Variants in MGA observed in about 807,000 individuals in gnomAD.
MGA encodes MAX dimerization protein MGA.
Under a neutral mutation model 261.1 loss-of-function variants are expected in MGA, and 40 were observed. The observed-to-expected ratio is 0.15, with a 90% CI of 0.12 to 0.20. MGA has a LOEUF of 0.20. Ranked by LOEUF, MGA falls within the 10% of genes least tolerant of loss-of-function variation. The pLI is 1.00. For missense variants in MGA, 3,397 were observed against 3,630.5 expected, an observed-to-expected ratio of 0.94 and a Z score of 1.65; for synonymous variants, 1,302 against 1,290.6, an observed-to-expected ratio of 1.01 and a Z score of -0.19.
intron 2 of MGA, among the ~76,000 whole-genome samples, chr15:41,683,406 ATTT>A (rs1489732123): frequency 6.6e-6 from 1 of 151,444 alleles, no homozygotes; most frequent in Non-Finnish European, 1.5e-5. Flanking sequence ...TTTTATTTTT[ATTT>A]TTTGTAGATA....
intron 1 of MGA, among the ~76,000 whole-genome samples, chr15:41,634,767 G>C (rs2056665226): frequency 6.6e-6 from 1 of 152,100 alleles, no homozygotes; most frequent in Admixed American, 6.6e-5. Flanking sequence ...TTAGAATGAG[G>C]TTTTGTTTGA....
intron 1 of MGA, among the ~76,000 whole-genome samples, chr15:41,635,429 G>C (rs1375596500): frequency 6.6e-6 from 1 of 152,096 alleles, no homozygotes; most frequent in Admixed American, 6.6e-5. Flanking sequence ...ACAAAATAAG[G>C]CTGGGCGCGG....
At position 41,696,939 on chromosome 15, in the gene MGA, T is replaced by C; in HGVS notation, c.1929T>C (p.Pro643=). Residue 643 remains proline (P), a synonymous_variant, in exon 3 of 24, where the codon CCT becomes CCC. Coordinates refer to ENST00000219905, the MANE Select transcript of MGA (RefSeq NM_001164273.2). ...CTTTAATTTCTACAAAGAATACACC[T>C]GTAAGCCCTGGGAGTACCTTTCCAG... 6.2e-7 allele frequency: 1 copy of C among 1,603,966 alleles called. No individual in the cohort carries two copies. Among genetic ancestry groups the C allele is most frequent in the Non-Finnish European group, 8.5e-7 (1 of 1,174,834 alleles).
At chr15:41,711,968 T>G (rs2060409331) in intron 8 of MGA, among the ~76,000 whole-genome samples, 1 of 152,162 alleles carries the variant, frequency 6.6e-6, no homozygotes, top group Non-Finnish European at 1.5e-5. Context: ...ATGCTGGGAT[T>G]ACAGGCATGA....
intron 2 of MGA, among the ~76,000 whole-genome samples, chr15:41,682,830 GTGTTGTTTT>G (rs1207823781): frequency 6.6e-6 from 1 of 152,094 alleles, no homozygotes; most frequent in Non-Finnish European, 1.5e-5. Context: ...TTACTGGTTT[GTGTTGTTTT>G]TGTTGTTTTG....
intron 2 of MGA, among the ~76,000 whole-genome samples, chr15:41,695,375 G>A (rs1221109588): frequency 6.6e-6 from 1 of 152,066 alleles, no homozygotes; most frequent in East Asian, 1.9e-4. Context: ...TTTTAGTAGA[G>A]ATGGGGTTTC....
chr15:41,702,938 T>G (rs76849231), intron 5 of MGA, among the ~76,000 whole-genome samples: 5 of 15,004 alleles, frequency 3.3e-4, no homozygotes, highest in Admixed American at 1.7e-3. Context: ...AGAATACCTA[T>G]TTTTTTTCCC....
rs1010793330 is a variant in MGA, at chr15:41,749,232, A to C, written c.5625A>C (p.Ser1875=). The C allele has an allele frequency of 3.1e-6, 5 of 1,613,882 alleles. No homozygotes were observed. Among genetic ancestry groups the C allele is most frequent in the Admixed American group, 1.7e-5 (1 of 59,996 alleles). The stretch of plus-strand genomic sequence containing the variant: ...TAATTCAAGCTGTTGGGTCTTCTTC[A>C]GCAGTGAATGTTATCACTCAGGCAC... Residue 1875 remains serine (S), a synonymous_variant, in exon 17 of 24, where the codon TCA becomes TCC. Coordinates refer to ENST00000219905, the MANE Select transcript of MGA (RefSeq NM_001164273.2).
chr15:41,670,725 C>G (rs950425836), intron 2 of MGA, among the ~76,000 whole-genome samples: 41 of 152,080 alleles, frequency 2.7e-4, no homozygotes, highest in Non-Finnish European at 4.3e-4. Flanking sequence ...CCAGGATGGT[C>G]TCGATCTCCT....
chr15:41,762,472 T>TTTTTTG (rs2063531862), intron 22 of MGA, 110 bp downstream of exon 22: 1 of 693,788 alleles, frequency 1.4e-6, no homozygotes, highest in East Asian at 3.3e-5. Context: ...TTTTTTTTTT[T>TTTTTTG]TTTTTTTTTT....
chr15:41,705,960 C>G (rs1481936293), intron 5 of MGA, among the ~76,000 whole-genome samples: 1 of 151,952 alleles, frequency 6.6e-6, no homozygotes, highest in African/African-American at 2.4e-5. Context: ...TAATACAGGC[C>G]AGGTGCGGTG....
chr15:41,643,329 C>T (rs945296095), intron 1 of MGA, among the ~76,000 whole-genome samples: 1 of 151,878 alleles, frequency 6.6e-6, no homozygotes, highest in African/African-American at 2.4e-5. Context: ...CAACCTCCGC[C>T]TCCCGGGTTC....
chr15:41,700,754 A>C (rs1211280070), intron 5 of MGA, among the ~76,000 whole-genome samples: 2 of 152,098 alleles, frequency 1.3e-5, no homozygotes, highest in Non-Finnish European at 2.9e-5. Context: ...CTGTGCCCCA[A>C]TTTTTAGTTT....
At chr15:41,711,892 C>T (rs538323185) in intron 8 of MGA, among the ~76,000 whole-genome samples, 6 of 152,048 alleles carry the variant, frequency 3.9e-5, no homozygotes, top group African/African-American at 7.2e-5. Flanking sequence ...GACACGTTTT[C>T]GCCATGTTAG....
Position 41,749,404 on chromosome 15 carries a change from A to G in MGA, c.5797A>G (p.Thr1933Ala). The change falls in exon 17 of 24, where the codon ACA (threonine) becomes GCA (alanine). Residue 1933 changes from threonine (T) to alanine (A), a missense_variant. By Grantham distance (58) the Thr-to-Ala change is moderately conservative. Coordinates refer to ENST00000219905, the MANE Select transcript of MGA (RefSeq NM_001164273.2). ...TAGCTCAGGAGGACAGCCTGTTGGT[A>G]CAGCCAGTCTTATTCCTCTCCAGTC... 1 of 1,614,040 alleles carries G rather than the reference A, an allele frequency of 6.2e-7. No homozygotes were observed. Among genetic ancestry groups the G allele is most frequent in the Non-Finnish European group, 8.5e-7 (1 of 1,179,902 alleles).
At chr15:41,689,587 A>ATAGAGTC (rs1566979140) in intron 2 of MGA, among the ~76,000 whole-genome samples, 1 of 135,198 alleles carries the variant, frequency 7.4e-6, no homozygotes, top group Non-Finnish European at 1.5e-5. Flanking sequence ...TTTTTTTGAG[A>ATAGAGTC]TAGAGTCTCA....
chr15:41,708,218 T>G lies in MGA; in HGVS notation c.2425+10T>G. 1.3e-6 allele frequency: 2 copies of G among 1,488,996 alleles called. No homozygotes were observed. The highest frequency in any genetic ancestry group is 1.8e-6 in the Non-Finnish European group (2 of 1,097,412). 92.2% of individuals were successfully genotyped at this position (1,488,996 alleles called of 1,614,324 possible). On this transcript the variant is annotated intron_variant, in intron 7 of 23. Transcript: ENST00000219905. Reference sequence around the variant, plus strand: ...GCATCTAGGAATGAAGGTAATTAGTTTTTTAAAATTTTTTAAATGTTCTGA... The same window carrying G: ...GCATCTAGGAATGAAGGTAATTAGTGTTTTAAAATTTTTTAAATGTTCTGA...
chr15:41,729,093 A>G, intron 10 of MGA, 71 bp from the exon 11 acceptor site: 1 of 1,429,310 alleles, frequency 7.0e-7, no homozygotes, highest in Non-Finnish European at 9.5e-7. Context: ...AAGATTAAAC[A>G]TTCGTTTTGT....
chr15:41,690,801 T>A (rs946226378), intron 2 of MGA, among the ~76,000 whole-genome samples: 1 of 152,044 alleles, frequency 6.6e-6, no homozygotes, highest in Non-Finnish European at 1.5e-5. Flanking sequence ...ATCACTTGTT[T>A]CCAGGAATTT....
Sources: gnomAD v4.1 joint callset for allele counts (sites outside exome capture counted in the v4.1 genomes callset) on GRCh38, gnomAD v4.1.1 for gene constraint, MANE v1.5 for transcripts, NCBI Gene and HGNC (gene_info 2026-07-23, HGNC 2026-07-21) for gene names.